NAALAD2: variants seen among roughly 807,000 people sequenced by gnomAD.
The protein encoded by NAALAD2 is N-acetylated alpha-linked acidic dipeptidase 2.
Under a neutral mutation model 95.6 loss-of-function variants are expected in NAALAD2, and 89 were observed. The observed-to-expected ratio is 0.93, with a 90% confidence interval of 0.78 to 1.11. The LOEUF is 1.11. Among genes scored for constraint, NAALAD2 ranks in the 50% least tolerant of loss-of-function variants. The probability of loss-of-function intolerance (pLI) is 0.00; values close to 1 mark genes in which losing one functional copy is unlikely to be tolerated. For missense variants in NAALAD2, 894 were observed against 872.4 expected (o/e 1.02, Z -0.31); for synonymous variants, 264 against 294.4 (o/e 0.90, Z 1.06).
chr11:90,170,484 A>G (rs980560809), intron 13 of NAALAD2, among the ~76,000 whole-genome samples: 13 of 152,222 alleles, frequency 8.5e-5, no homozygotes, highest in East Asian at 3.9e-4. Flanking sequence ...TCATTCAACA[A>G]ATATTCACTG....
At chr11:90,132,467 G>T (rs137950085), upstream of NAALAD2, among the ~76,000 whole-genome samples, 36 of 152,278 alleles carry the variant, frequency 2.4e-4, no homozygotes, top group Non-Finnish European at 5.0e-4. Context: ...GTAGTCAACA[G>T]TGAATGGTCC....
intron 11 of NAALAD2, among the ~76,000 whole-genome samples, chr11:90,165,653 T>G (rs1391830255): frequency 6.6e-6 from 1 of 152,234 alleles, no homozygotes; most frequent in Non-Finnish European, 1.5e-5. Context: ...ATTGTTATTT[T>G]CACATTGGTA....
Position 90,192,462 on chromosome 11 carries a change from G to A in NAALAD2, c.*715G>A, listed in dbSNP as rs991846002. 2 of 152,046 alleles carry A rather than the reference G, an allele frequency of 1.3e-5. No homozygotes were observed. The highest frequency in any genetic ancestry group is 4.8e-5 in the African/African-American group (2 of 41,456). 9.4% of individuals were successfully genotyped at this position (152,046 alleles called of 1,614,324 possible). ...TGCCTGGGCCAAGTGGCAGGTTGGG[G>A]AGGATGGCTGCAAAGAAGTATGAGG... On this transcript the variant is annotated 3_prime_UTR_variant, in exon 19 of 19. Coordinates refer to ENST00000534061, the MANE Select transcript of NAALAD2 (RefSeq NM_005467.4).
intron 16 of NAALAD2, among the ~76,000 whole-genome samples, chr11:90,181,050 G>T (rs1952948984): frequency 1.3e-5 from 2 of 152,132 alleles, no homozygotes; most frequent in Non-Finnish European, 2.9e-5. Context: ...TGGTACCCAG[G>T]CCTCACTGAT....
At chr11:90,176,125 C>A in intron 15 of NAALAD2, 63 bp downstream of exon 15, 1 of 1,325,136 alleles carries the variant, frequency 7.5e-7, no homozygotes, top group South Asian at 1.2e-5. Flanking sequence ...CGAAGAATGT[C>A]ACTGAGTTGT....
At chr11:90,175,085 A>AC (rs1453477600) in intron 14 of NAALAD2, among the ~76,000 whole-genome samples, 7 of 152,300 alleles carry the variant, frequency 4.6e-5, no homozygotes, top group African/African-American at 1.7e-4. Flanking sequence ...AGTTGGAAAA[A>AC]AATCTGAAGT....
chr11:90,156,188 T>A (rs78843218), intron 6 of NAALAD2, among the ~76,000 whole-genome samples: 6,171 of 151,906 alleles, frequency 0.041, 414 homozygotes, highest in African/African-American at 0.14. Flanking sequence ...TAGCTTTGGG[T>A]TTCATTGATT....
At position 90,134,679 on chromosome 11, in the gene NAALAD2, T is replaced by G. The variant is rs1951409198; in HGVS notation, c.-80T>G. On this transcript the variant is annotated 5_prime_UTR_variant, in exon 1 of 19. Transcript: ENST00000534061. The stretch of plus-strand genomic sequence containing the variant: ...AGGCCACCCAGAGCTCACAGCCTCC[T>G]GCCAGCGCGCTCTCTGTTTCTCTGC... The G allele has an allele frequency of 4.9e-6, 7 of 1,424,712 alleles. No homozygotes were observed. Among genetic ancestry groups the G allele is most frequent in the Non-Finnish European group, 6.9e-6 (7 of 1,013,170 alleles). 88.3% of individuals were successfully genotyped at this position (1,424,712 alleles called of 1,614,324 possible).
chr11:90,152,363 T>C lies in NAALAD2; in HGVS notation c.675T>C (p.Phe225=). ...TGTACTCAGATCCAGCTGACTACTT[T>C]GCTCCTGAGGTACAGCCATATCCCA... The part of the protein sequence containing the change: ...IILYSDPADY[F]APEVQPYPKG... The change falls in exon 6 of 19, where the codon TTT becomes TTC. Residue 225 remains phenylalanine, a synonymous_variant. Coordinates refer to ENST00000534061, the MANE Select transcript of NAALAD2 (RefSeq NM_005467.4). 1 of 1,613,834 alleles carries C rather than the reference T, an allele frequency of 6.2e-7. No individual in the cohort carries two copies. The highest frequency in any genetic ancestry group is 8.5e-7 in the Non-Finnish European group (1 of 1,179,774).
chr11:90,183,338 A>G (rs1857023219), intron 18 of NAALAD2, among the ~76,000 whole-genome samples: 1 of 152,172 alleles, frequency 6.6e-6, no homozygotes, highest in South Asian at 2.1e-4. Context: ...TCTCAGATAA[A>G]TAGTTATCCA....
chr11:90,152,191 A>C, intron 5 of NAALAD2, 107 bp from the exon 6 acceptor site: 1 of 1,037,170 alleles, frequency 9.6e-7, no homozygotes, highest in South Asian at 2.0e-5. Context: ...TTGTATGGTA[A>C]AAGGCAGTGT....
At chr11:90,149,279 T>G (rs1263639619) in intron 4 of NAALAD2, among the ~76,000 whole-genome samples, 172 bp downstream of exon 4, 1 of 151,840 alleles carries the variant, frequency 6.6e-6, no homozygotes, top group Non-Finnish European at 1.5e-5. Context: ...TACAATAAAA[T>G]AAAATAGAAA....
intron 3 of NAALAD2, among the ~76,000 whole-genome samples, chr11:90,148,206 G>A (rs1397279954): frequency 6.6e-6 from 1 of 152,146 alleles, no homozygotes; most frequent in East Asian, 1.9e-4. Flanking sequence ...GCTAAGCAAC[G>A]GGTTAAAGTT....
intron 8 of NAALAD2, among the ~76,000 whole-genome samples, chr11:90,161,217 A>G (rs574209073): frequency 1.2e-4 from 18 of 149,814 alleles, no homozygotes; most frequent in Admixed American, 1.1e-3. Context: ...GGAGCCTCCA[A>G]AAGTCTTCCA....
chr11:90,132,995 C>A (rs1380480288), upstream of NAALAD2, among the ~76,000 whole-genome samples: 1 of 152,038 alleles, frequency 6.6e-6, no homozygotes, highest in African/African-American at 2.4e-5. Context: ...ACCAGGTATG[C>A]TACAAAAGTT....
At chr11:90,139,855 CTTTTT>C (rs71472281) in intron 2 of NAALAD2, among the ~76,000 whole-genome samples, 1 of 144,190 alleles carries the variant, frequency 6.9e-6, no homozygotes. Context: ...CAAACTTTTC[CTTTTT>C]TTTTTTTTTT....
At chr11:90,142,633 C>G (rs1037125679) in intron 2 of NAALAD2, among the ~76,000 whole-genome samples, 1 of 152,038 alleles carries the variant, frequency 6.6e-6, no homozygotes, top group Non-Finnish European at 1.5e-5. Context: ...CCTCTGTGGG[C>G]CGCATATAAT....
intron 3 of NAALAD2, among the ~76,000 whole-genome samples, chr11:90,148,098 C>T (rs116085392): frequency 0.025 from 3,746 of 152,134 alleles, 146 homozygotes; most frequent in African/African-American, 0.084. Context: ...TAAACTTCAA[C>T]TTCAGTTCAC....
intron 2 of NAALAD2, among the ~76,000 whole-genome samples, chr11:90,145,759 T>C (rs996165634): frequency 6.6e-6 from 1 of 152,102 alleles, no homozygotes; most frequent in African/African-American, 2.4e-5. Flanking sequence ...ATATTTTTGG[T>C]TGAGATAAGA....
Sources: allele counts gnomAD v4.1 joint callset (sites outside exome capture counted in the v4.1 genomes callset), GRCh38; gene constraint gnomAD v4.1.1; transcripts MANE v1.5; gene names NCBI Gene and HGNC (gene_info 2026-07-23, HGNC 2026-07-21).